EIF4E3: variants seen among roughly 807,000 people sequenced by gnomAD.
The protein encoded by EIF4E3 is eukaryotic translation initiation factor 4E type 3.
In EIF4E3, 26 loss-of-function variants were observed where a neutral mutation model predicts 31.7. The ratio of observed to expected loss-of-function variants is 0.82; its 90% confidence interval spans 0.60 to 1.14. The LOEUF is 1.14. Ranked by LOEUF, EIF4E3 falls within the 50% of genes most tolerant of loss-of-function variation. The pLI is 0.00. For missense variants in EIF4E3, 304 were observed against 270.9 expected (o/e 1.12, Z -0.86); for synonymous variants, 128 against 107.7 (o/e 1.19, Z -1.17).
At chr3:71,664,329 T>C in the EIF4E3 span, among the ~76,000 whole-genome samples, 1 of 152,124 alleles carries the variant, frequency 6.6e-6, no homozygotes, top group Non-Finnish European at 1.5e-5. Context: ...CACCCAGCTA[T>C]TGGAACTTGA....
At chr3:71,711,518 T>G (rs981924274) in intron 1 of EIF4E3, among the ~76,000 whole-genome samples, 2 of 152,204 alleles carry the variant, frequency 1.3e-5, no homozygotes, top group Non-Finnish European at 2.9e-5. Flanking sequence ...TTGTACTTCC[T>G]GGACAGTTGC....
the EIF4E3 span, among the ~76,000 whole-genome samples, chr3:71,663,352 AG>A: frequency 2.2e-4 from 33 of 152,388 alleles, no homozygotes; most frequent in African/African-American, 7.7e-4. Context: ...ATTTGCTTTC[AG>A]GAAAGTTTGT....
chr3:71,715,045 T>A (rs6549404), intron 1 of EIF4E3, among the ~76,000 whole-genome samples: 45,138 of 152,184 alleles, frequency 0.3, 6,800 homozygotes, highest in East Asian at 0.46. Flanking sequence ...GTCTCCACAG[T>A]CCAGGGGTGC....
intron 1 of EIF4E3, among the ~76,000 whole-genome samples, chr3:71,722,483 C>T (rs968415036): frequency 6.6e-6 from 1 of 152,180 alleles, no homozygotes; most frequent in African/African-American, 2.4e-5. Context: ...GTTAGAGACA[C>T]ATAACCCAGA....
the EIF4E3 span, among the ~76,000 whole-genome samples, chr3:71,660,385 G>A: frequency 6.6e-6 from 1 of 152,134 alleles, no homozygotes; most frequent in Non-Finnish European, 1.5e-5. Context: ...CAGGAGTGCA[G>A]AATTGCTACA....
chr3:71,706,804 C>T (rs1490263343), intron 2 of EIF4E3, among the ~76,000 whole-genome samples: 1 of 152,012 alleles, frequency 6.6e-6, no homozygotes, highest in African/African-American at 2.4e-5. Flanking sequence ...GCCTGGGTGA[C>T]AAAGTGAGAC....
chr3:71,693,848 G>A, intron 5 of EIF4E3, 27 bp downstream of exon 5: 1 of 1,516,632 alleles, frequency 6.6e-7, no homozygotes, highest in Non-Finnish European at 8.8e-7. Flanking sequence ...ACGAGGCAGG[G>A]CCGGCCGGAG....
upstream of EIF4E3, among the ~76,000 whole-genome samples, chr3:71,727,838 A>G (rs1426788105): frequency 6.6e-6 from 1 of 152,230 alleles, no homozygotes; most frequent in Non-Finnish European, 1.5e-5. Context: ...TCCTTTAACA[A>G]TATCCTCAGC....
chr3:71,700,067 A>T (rs1032180793), intron 2 of EIF4E3, among the ~76,000 whole-genome samples: 3 of 152,048 alleles, frequency 2.0e-5, no homozygotes, highest in African/African-American at 7.2e-5. Context: ...CCAACTACCT[A>T]GGAGGTTGAG....
At chr3:71,710,319 A>G in intron 2 of EIF4E3, 93 bp downstream of exon 2, 1 of 1,395,078 alleles carries the variant, frequency 7.2e-7, no homozygotes, top group Non-Finnish European at 1.0e-6. Flanking sequence ...AACCCTGGAC[A>G]GGGGCTGCCA....
intron 1 of EIF4E3, among the ~76,000 whole-genome samples, chr3:71,720,756 G>A (rs2049535840): frequency 6.6e-6 from 1 of 152,186 alleles, no homozygotes; most frequent in Non-Finnish European, 1.5e-5. Context: ...GCCTGGAAAG[G>A]GGCAGAGCTT....
chr3:71,742,509 G>T (rs916682882), intron 1 of EIF4E3, among the ~76,000 whole-genome samples: 1 of 151,800 alleles, frequency 6.6e-6, no homozygotes, highest in African/African-American at 2.4e-5. Context: ...TTCCCCCAAA[G>T]AAAACTCCAT....
intron 1 of EIF4E3, among the ~76,000 whole-genome samples, chr3:71,731,628 G>T (rs994040761): frequency 6.6e-6 from 1 of 152,300 alleles, no homozygotes; most frequent in East Asian, 1.9e-4. Flanking sequence ...AACAAACTGG[G>T]TATACAGCAG....
upstream of EIF4E3, chr3:71,754,588 C>A (rs1426338209): frequency 4.2e-6 from 6 of 1,416,934 alleles, no homozygotes; most frequent in African/African-American, 1.5e-5. The surrounding 1 kb of genome is among the most constrained non-coding windows in gnomAD (Gnocchi z 5.8). Context: ...CCCGACGGCG[C>A]CCCCGGCGCG....
At chr3:71,747,761 T>A (rs2049888257) in intron 1 of EIF4E3, among the ~76,000 whole-genome samples, 1 of 152,164 alleles carries the variant, frequency 6.6e-6, no homozygotes, top group South Asian at 2.1e-4. Context: ...AGCCCTGAGT[T>A]TTAGGTCTAT....
chr3:71,694,919 T>C (rs915454448), intron 4 of EIF4E3, among the ~76,000 whole-genome samples: 1 of 152,228 alleles, frequency 6.6e-6, no homozygotes, highest in Non-Finnish European at 1.5e-5. Flanking sequence ...CATAAACAGC[T>C]GTGTGTTTGC....
chr3:71,681,155 A>G lies in EIF4E3; in HGVS notation c.*3527T>C, dbSNP rs2048917541. On this transcript the variant is annotated 3_prime_UTR_variant, in exon 7 of 7. Transcript: ENST00000425534. ...AGCGATCTAGCTTTGACACATTTTT[A>G]TTAGGTGCATGAAAACTAAATGTCT... 6.6e-6 allele frequency: 1 copy of G among 152,232 alleles called. No homozygotes were observed. The highest frequency in any genetic ancestry group is 1.9e-4 in the East Asian group (1 of 5,208). 9.4% of individuals were successfully genotyped at this position (152,232 alleles called of 1,614,324 possible).
the EIF4E3 span, among the ~76,000 whole-genome samples, chr3:71,667,410 G>A: frequency 3.6e-4 from 55 of 152,232 alleles, no homozygotes; most frequent in African/African-American, 1.3e-3. Context: ...AGGGCAATTA[G>A]GCAAGAGGAA....
intron 1 of EIF4E3, among the ~76,000 whole-genome samples, chr3:71,736,065 C>T (rs2049759742): frequency 4.6e-5 from 7 of 152,144 alleles, no homozygotes; most frequent in Admixed American, 2.6e-4. Flanking sequence ...TGCTTAATAT[C>T]ATATGTCACT....
Sources: gnomAD v4.1 joint callset for allele counts (sites outside exome capture counted in the v4.1 genomes callset) on GRCh38, gnomAD v4.1.1 for gene constraint, Gnocchi (gnomAD v3.1) non-coding constraint, MANE v1.5 for transcripts, NCBI Gene and HGNC (gene_info 2026-07-23, HGNC 2026-07-21) for gene names.